The following ZNRF3 variants were observed in gnomAD, a reference collection of about 807,000 sequenced individuals.
ZNRF3 encodes the protein E3 ubiquitin-protein ligase ZNRF3.
ZNRF3 carries 23 observed loss-of-function variants against 72.5 expected under a neutral mutation model. That is an observed-to-expected ratio of 0.32 (90% CI 0.23 to 0.45). The LOEUF (loss-of-function observed/expected upper bound fraction) is 0.45, where lower values mean the gene tolerates loss of function less well. ZNRF3 is among the 20% of genes least tolerant of loss of function. ZNRF3 has a pLI of 1.00. For synonymous variants in ZNRF3, 610 were observed against 545.3 expected (o/e 1.12, Z -1.65); for missense variants, 1,169 against 1,272.1 (o/e 0.92, Z 1.23).
At position 29,056,713 on chromosome 22, in the gene ZNRF3, A is replaced by G. The variant is rs1225153324; in HGVS notation, c.*3091A>G. The G allele has an allele frequency of 6.6e-6, 1 of 152,216 alleles. No homozygotes were observed. The highest frequency in any genetic ancestry group is 1.5e-5 in the Non-Finnish European group (1 of 68,042). 9.4% of individuals were successfully genotyped at this position (152,216 alleles called of 1,614,324 possible). On this transcript the variant is annotated 3_prime_UTR_variant, in exon 9 of 9. Coordinates refer to ENST00000544604, the MANE Select transcript of ZNRF3 (RefSeq NM_001206998.2). ...CCCTGGCTGTAGGACAGCCATATAC[A>G]GTGAAGAGTTCTAGAACCAGCTAAA...
intron 2 of ZNRF3, among the ~76,000 whole-genome samples, chr22:29,033,728 G>A (rs2036809931): frequency 6.6e-6 from 1 of 152,178 alleles, no homozygotes; most frequent in African/African-American, 2.4e-5. Flanking sequence ...AAGGCAAAGG[G>A]CTGCAGTTTT....
intron 1 of ZNRF3, among the ~76,000 whole-genome samples, chr22:28,955,991 AAAC>A (rs1390989468): frequency 6.6e-5 from 10 of 152,188 alleles, no homozygotes; most frequent in Non-Finnish European, 1.3e-4. Flanking sequence ...CCCACAAACC[AAAC>A]AGGATGTGGG....
chr22:28,942,123 C>T (rs2123788030), intron 1 of ZNRF3, among the ~76,000 whole-genome samples: 1 of 152,322 alleles, frequency 6.6e-6, no homozygotes, highest in East Asian at 1.9e-4. Context: ...CAAATGTGTA[C>T]CTCTAGCCCG....
intron 2 of ZNRF3, among the ~76,000 whole-genome samples, chr22:29,033,788 G>A (rs1295889506): frequency 6.6e-6 from 1 of 152,184 alleles, no homozygotes. Context: ...ACCTCCTTGA[G>A]GAGGGAGCCC....
chr22:28,918,739 C>A (rs1057181083), intron 1 of ZNRF3, among the ~76,000 whole-genome samples: 1 of 152,114 alleles, frequency 6.6e-6, no homozygotes, highest in Non-Finnish European at 1.5e-5. Flanking sequence ...ACAATGTTTC[C>A]ACTTCGTCCT....
chr22:28,980,418 G>A (rs1464677417), intron 1 of ZNRF3, among the ~76,000 whole-genome samples: 1 of 152,212 alleles, frequency 6.6e-6, no homozygotes, highest in Non-Finnish European at 1.5e-5. Flanking sequence ...CCTAGGTGAT[G>A]TGCCTCATAA....
chr22:28,946,478 C>G (rs1400933550), intron 1 of ZNRF3, among the ~76,000 whole-genome samples: 1 of 152,180 alleles, frequency 6.6e-6, no homozygotes, highest in Admixed American at 6.5e-5. Context: ...TGTAATGATG[C>G]CTGACTTCAA....
chr22:28,948,135 G>A (rs780233226), intron 1 of ZNRF3, among the ~76,000 whole-genome samples: 25 of 145,538 alleles, frequency 1.7e-4, no homozygotes, highest in Non-Finnish European at 2.9e-4. Context: ...GAGCCACTGC[G>A]CCTGGCTACA....
intron 1 of ZNRF3, among the ~76,000 whole-genome samples, chr22:28,940,488 G>T (rs1032139427): frequency 1.4e-5 from 2 of 141,320 alleles, no homozygotes; most frequent in Non-Finnish European, 3.0e-5. Context: ...AGCCACACTA[G>T]GTTTCTGCTT....
chr22:28,956,993 G>T (rs2123800056), intron 1 of ZNRF3, among the ~76,000 whole-genome samples: 1 of 152,296 alleles, frequency 6.6e-6, no homozygotes, highest in East Asian at 1.9e-4. Context: ...TTAAGAAGGT[G>T]GATATGAATT....
At chr22:28,904,286 A>G (rs894762076) in intron 1 of ZNRF3, among the ~76,000 whole-genome samples, 8 of 152,148 alleles carry the variant, frequency 5.3e-5, no homozygotes, top group African/African-American at 1.9e-4. Flanking sequence ...TAGATTCTGG[A>G]GGGAGCTTAC....
chr22:28,929,467 A>T (rs2034667357), intron 1 of ZNRF3, among the ~76,000 whole-genome samples: 1 of 152,328 alleles, frequency 6.6e-6, no homozygotes, highest in African/African-American at 2.4e-5. Flanking sequence ...ATGTCTCCAG[A>T]CACTGCCAGA....
At chr22:29,009,347 T>C (rs141758765) in intron 2 of ZNRF3, among the ~76,000 whole-genome samples, 52 of 152,216 alleles carry the variant, frequency 3.4e-4, no homozygotes, top group African/African-American at 1.1e-3. Context: ...GTGATGGTTT[T>C]AGCAGGCAGG....
At position 29,053,911 on chromosome 22, in the gene ZNRF3, G is replaced by A. The variant is rs964259408; in HGVS notation, c.*289G>A. ...TTGGGGTTCCGAGGTGTGGGATTGA[G>A]TTCTCTGCTTTGTTTTTTTTTAAGA... On this transcript the variant is annotated 3_prime_UTR_variant, in exon 9 of 9. Coordinates refer to ENST00000544604, the MANE Select transcript of ZNRF3 (RefSeq NM_001206998.2). The A allele has an allele frequency of 3.8e-6, 1 of 263,198 alleles. No homozygotes were observed. Among genetic ancestry groups the A allele is most frequent in the Non-Finnish European group, 7.1e-6 (1 of 141,116 alleles). The allele number at this position is 263,198 out of a possible 1,614,324, so 16.3% of individuals were successfully genotyped here. A position where few individuals can be genotyped will look rare whatever the true frequency, so the allele number is the denominator to read the frequency against.
intron 1 of ZNRF3, among the ~76,000 whole-genome samples, chr22:28,952,716 C>T (rs769534708): frequency 2.6e-5 from 4 of 152,054 alleles, no homozygotes; most frequent in Non-Finnish European, 4.4e-5. Flanking sequence ...CGAGCTTTGA[C>T]AGTTAAAAAG....
At position 29,055,333 on chromosome 22, in the gene ZNRF3, C is replaced by T. The variant is rs1399056771; in HGVS notation, c.*1711C>T. The T allele has an allele frequency of 2.0e-5, 3 of 152,112 alleles. No individual in the cohort carries two copies. The highest frequency in any genetic ancestry group is 6.5e-5 in the Admixed American group (1 of 15,274). 9.4% of individuals were successfully genotyped at this position (152,112 alleles called of 1,614,324 possible). On this transcript the variant is annotated 3_prime_UTR_variant, in exon 9 of 9. Coordinates refer to ENST00000544604, the MANE Select transcript of ZNRF3 (RefSeq NM_001206998.2). ...AACTGGCCCAGTGGGTCTGAAAGCT[C>T]GCTTGAGAATAGGAAACTTGAGACC... is the stretch of plus-strand genomic sequence containing the variant.
chr22:28,884,276 A>G (rs1257763217), intron 1 of ZNRF3, among the ~76,000 whole-genome samples: 1 of 151,940 alleles, frequency 6.6e-6, no homozygotes, highest in East Asian at 1.9e-4. Context: ...CGTGGGGGCT[A>G]GAGCTCCTGT....
At chr22:28,947,867 A>G (rs1375419921) in intron 1 of ZNRF3, among the ~76,000 whole-genome samples, 1 of 151,888 alleles carries the variant, frequency 6.6e-6, no homozygotes, top group Non-Finnish European at 1.5e-5. Flanking sequence ...TTTTTTTGAG[A>G]TGGAGTATTG....
At chr22:28,965,935 A>G (rs559188777) in intron 1 of ZNRF3, among the ~76,000 whole-genome samples, 2 of 152,228 alleles carry the variant, frequency 1.3e-5, no homozygotes, top group Admixed American at 6.5e-5. Flanking sequence ...GAGAAATACT[A>G]TTTTTCAGGC....
Sources: allele counts gnomAD v4.1 joint callset (sites outside exome capture counted in the v4.1 genomes callset), GRCh38; gene constraint gnomAD v4.1.1; transcripts MANE v1.5; gene names NCBI Gene and HGNC (gene_info 2026-07-23, HGNC 2026-07-21).